Variants in PARD3B observed in about 807,000 individuals in gnomAD.
The protein encoded by PARD3B is par-3 family cell polarity regulator beta.
In PARD3B, 103 loss-of-function variants were observed where a neutral mutation model predicts 130.2. The ratio of observed to expected loss-of-function variants is 0.79; its 90% confidence interval spans 0.67 to 0.93. The LOEUF is 0.93. Ranked by LOEUF, PARD3B falls within the 40% of genes least tolerant of loss-of-function variation. PARD3B has a pLI of 0.00. For missense variants in PARD3B, 1,609 were observed against 1,499.2 expected (o/e 1.07, Z -1.21); for synonymous variants, 583 against 553.2 (o/e 1.05, Z -0.76).
intron 19 of PARD3B, among the ~76,000 whole-genome samples, chr2:205,425,559 A>G (rs1031504041): frequency 3.9e-5 from 6 of 152,180 alleles, no homozygotes; most frequent in African/African-American, 1.4e-4. Context: ...GTAAAAAAAA[A>G]AAAAAAAAAC....
At position 204,678,587 on chromosome 2, in the gene PARD3B, G is replaced by C. The variant is rs921663636; in HGVS notation, c.121-7594G>C. 6.6e-6 allele frequency among the ~76,000 whole-genome samples: 1 copy of C among 152,078 alleles called. No individual in the cohort carries two copies. Among genetic ancestry groups the C allele is most frequent in the Non-Finnish European group, 1.5e-5 (1 of 68,016 alleles). ...GGCTGACTCCAGCCGGGTCGTCTCC[G>C]AAGTCGTGTGGTCTGACATTAAGCC... On this transcript the variant is annotated intron_variant, in intron 1 of 22. Coordinates refer to ENST00000406610, the MANE Select transcript of PARD3B (RefSeq NM_001302769.2). The surrounding 1 kb of genome is among the most constrained non-coding windows in gnomAD (Gnocchi z 4.2).
At chr2:204,949,622 T>C (rs1460727693) in intron 2 of PARD3B, among the ~76,000 whole-genome samples, 2 of 152,154 alleles carry the variant, frequency 1.3e-5, no homozygotes, top group Non-Finnish European at 2.9e-5. Context: ...GTACTCAGCC[T>C]TTGTTTTCCT....
At chr2:204,805,432 T>G (rs1489064055) in intron 2 of PARD3B, among the ~76,000 whole-genome samples, 1 of 151,980 alleles carries the variant, frequency 6.6e-6, no homozygotes, top group Non-Finnish European at 1.5e-5. Context: ...ACAAAATCTC[T>G]TAGCAAAGAA....
intron 2 of PARD3B, among the ~76,000 whole-genome samples, chr2:204,957,963 A>G (rs1185405135): frequency 6.6e-6 from 1 of 152,144 alleles, no homozygotes; most frequent in Non-Finnish European, 1.5e-5. Flanking sequence ...AATATGTAGG[A>G]AACAGTAAAA....
chr2:204,935,143 CTACTTT>C (rs1688318919), intron 2 of PARD3B, among the ~76,000 whole-genome samples: 1 of 125,206 alleles, frequency 8.0e-6, no homozygotes, highest in African/African-American at 2.9e-5. Flanking sequence ...CTTGTTTTCC[CTACTTT>C]TTTTTTTTTT....
intron 2 of PARD3B, among the ~76,000 whole-genome samples, chr2:204,833,379 G>GTAAA (rs2043902759): frequency 6.6e-6 from 1 of 152,106 alleles, no homozygotes; most frequent in African/African-American, 2.4e-5. Context: ...AGAACTCCCT[G>GTAAA]TAAAGACTCT....
intron 1 of PARD3B, among the ~76,000 whole-genome samples, chr2:204,663,500 C>T (rs1559039090): frequency 6.6e-6 from 1 of 152,188 alleles, no homozygotes; most frequent in Non-Finnish European, 1.5e-5. Flanking sequence ...GAAATGATGA[C>T]ACTTATTAGT....
At chr2:205,024,744 A>T (rs767732280) in intron 3 of PARD3B, among the ~76,000 whole-genome samples, 4 of 152,224 alleles carry the variant, frequency 2.6e-5, no homozygotes, top group Non-Finnish European at 4.4e-5. Flanking sequence ...TCCAGAGCAG[A>T]TTATGCATAT....
chr2:205,586,245 C>A (rs2054192745), intron 22 of PARD3B, among the ~76,000 whole-genome samples: 1 of 152,170 alleles, frequency 6.6e-6, no homozygotes, highest in Non-Finnish European at 1.5e-5. Flanking sequence ...CAAGTTACTG[C>A]AGGCTGAATA....
At chr2:204,891,637 G>A (rs1490507552) in intron 2 of PARD3B, among the ~76,000 whole-genome samples, 4 of 152,072 alleles carry the variant, frequency 2.6e-5, no homozygotes, top group Non-Finnish European at 5.9e-5. Context: ...AAAGCTTACT[G>A]CAGTCTCATT....
chr2:205,496,455 A>G (rs1414257157), intron 20 of PARD3B, among the ~76,000 whole-genome samples: 5 of 152,208 alleles, frequency 3.3e-5, no homozygotes, highest in Non-Finnish European at 7.3e-5. Context: ...AGGTTTGCAC[A>G]GTGTTCCATA....
In PARD3B at chr2:204,799,586, G is replaced by T. The variant is rs548125726; in HGVS notation, c.222+113304G>T. Among the ~76,000 whole-genome samples, 15 of 152,292 alleles carry T rather than the reference G, an allele frequency of 9.8e-5. No individual in the cohort carries two copies. Among genetic ancestry groups the T allele is most frequent in the Admixed American group, 4.6e-4 (7 of 15,302 alleles). Reference sequence around the variant, plus strand: ...AGACCCAGTGCTATGCTGGCTTCAGGTGTGACACAATGCAGACTCAGTGGT... The same window carrying T: ...AGACCCAGTGCTATGCTGGCTTCAGTTGTGACACAATGCAGACTCAGTGGT... On this transcript the variant is annotated intron_variant, in intron 2 of 22. Transcript: ENST00000406610. The surrounding 1 kb of genome is among the most constrained non-coding windows in gnomAD (Gnocchi z 4.1).
At chr2:205,096,816 G>GT (rs920298249) in intron 4 of PARD3B, among the ~76,000 whole-genome samples, 9 of 152,024 alleles carry the variant, frequency 5.9e-5, no homozygotes, top group South Asian at 2.1e-4. Flanking sequence ...TCCAAAAAAG[G>GT]TTTTTTTTAT....
chr2:204,811,806 C>A (rs1245412274), intron 2 of PARD3B, among the ~76,000 whole-genome samples: 1 of 151,960 alleles, frequency 6.6e-6, no homozygotes, highest in Non-Finnish European at 1.5e-5. Context: ...CTGCTATCAT[C>A]TACATTAAAA....
intron 2 of PARD3B, among the ~76,000 whole-genome samples, chr2:204,744,863 A>G (rs2040151266): frequency 6.6e-6 from 1 of 152,168 alleles, no homozygotes; most frequent in Non-Finnish European, 1.5e-5. Context: ...ACCAAGAGGT[A>G]CCACTCTAAC....
At chr2:204,713,482 C>T (rs1346553290) in intron 2 of PARD3B, among the ~76,000 whole-genome samples, 1 of 151,464 alleles carries the variant, frequency 6.6e-6, no homozygotes, top group Non-Finnish European at 1.5e-5. Flanking sequence ...GTTATGTAAC[C>T]GTCGCCACCA....
chr2:205,612,956 T>G (rs539705908), intron 22 of PARD3B, among the ~76,000 whole-genome samples: 1 of 152,194 alleles, frequency 6.6e-6, no homozygotes. Flanking sequence ...GCTCGCCGAC[T>G]GTACTGTCAC....
rs1199631072 is a variant in PARD3B at position 205,525,620 on chromosome 2, A to C, written c.3180+25589A>C. On this transcript the variant is annotated intron_variant, in intron 21 of 22. Coordinates refer to ENST00000406610, the MANE Select transcript of PARD3B (RefSeq NM_001302769.2). The surrounding 1 kb of genome is among the most constrained non-coding windows in gnomAD (Gnocchi z 4.2). ...AGGTCTATTGTGCGGATGCTAATCT[A>C]ATAACAGAATCATATTTATAATACA... Among the ~76,000 whole-genome samples, 1 of 152,190 alleles carries C rather than the reference A, an allele frequency of 6.6e-6. No individual in the cohort carries two copies. Among genetic ancestry groups the C allele is most frequent in the African/African-American group, 2.4e-5 (1 of 41,450 alleles).
rs1454567487 is a variant in PARD3B, at chr2:205,589,457, C to G, written c.3261-25999C>G. On this transcript the variant is annotated intron_variant, in intron 22 of 22. Coordinates refer to ENST00000406610, the MANE Select transcript of PARD3B (RefSeq NM_001302769.2). The surrounding 1 kb of genome is among the most constrained non-coding windows in gnomAD (Gnocchi z 4.1). ...TCCAGTCCCATCTCAAATGCTGTCT[C>G]TAAACAGAGAGATGCAGACAGAGAT... is the stretch of plus-strand genomic sequence containing the variant. Among the ~76,000 whole-genome samples, 1 of 152,162 alleles carries G rather than the reference C, an allele frequency of 6.6e-6. No individual in the cohort carries two copies. Among genetic ancestry groups the G allele is most frequent in the Non-Finnish European group, 1.5e-5 (1 of 68,032 alleles).
Sources: allele counts gnomAD v4.1 joint callset (sites outside exome capture counted in the v4.1 genomes callset), GRCh38; gene constraint gnomAD v4.1.1; non-coding constraint Gnocchi (gnomAD v3.1); transcripts MANE v1.5; gene names NCBI Gene and HGNC (gene_info 2026-07-23, HGNC 2026-07-21).